The following LRRC2 variants were observed in gnomAD, a reference collection of about 807,000 sequenced individuals.
The protein encoded by LRRC2 is leucine-rich repeat-containing protein 2.
In LRRC2, 27 loss-of-function variants were observed where a neutral mutation model predicts 40.2. The ratio of observed to expected loss-of-function variants is 0.67; its 90% CI spans 0.49 to 0.93. LRRC2 has a LOEUF of 0.93. Among genes scored for constraint, LRRC2 ranks in the 40% least tolerant of loss-of-function variants. The pLI, the probability that LRRC2 is intolerant of heterozygous loss-of-function variation, is 0.00. For missense variants in LRRC2, 402 were observed against 439.6 expected (o/e 0.91, Z 0.76); for synonymous variants, 147 against 158.9 (o/e 0.92, Z 0.56).
rs536055546 is a variant in LRRC2, at chr3:46,539,542, C to T, written c.334-341G>A. Among the ~76,000 whole-genome samples, 37 of 152,344 alleles carry T rather than the reference C, an allele frequency of 2.4e-4. 2 individuals carry two copies. The South Asian group carries it at 7.5e-3, about 31-fold the overall frequency. ...TAACATCCCCTAAGGTCTGTCTATA[C>T]ATTCGATTTCAAAATTTGTGCTTCG... On this transcript the variant is annotated intron_variant, in intron 3 of 8. Coordinates refer to ENST00000395905, the MANE Select transcript of LRRC2 (RefSeq NM_024512.5).
intron 7 of LRRC2, among the ~76,000 whole-genome samples, chr3:46,522,124 C>T (rs1703974339): frequency 6.6e-6 from 1 of 152,126 alleles, no homozygotes; most frequent in Non-Finnish European, 1.5e-5. Flanking sequence ...CCTGTAATCC[C>T]AGCACTTTGG....
intron 1 of LRRC2, among the ~76,000 whole-genome samples, chr3:46,565,396 C>A (rs1308347389): frequency 6.6e-6 from 1 of 152,120 alleles, no homozygotes; most frequent in East Asian, 1.9e-4. Context: ...TAAGACAGTA[C>A]CTGGCACCTA....
chr3:46,533,821 C>CTTTCTTTGTTTCTTTCTTTCTT lies in LRRC2; in HGVS notation c.491-913_491-912insAAGAAAGAAAGAAACAAAGAAA, dbSNP rs1341271666. 6.7e-5 allele frequency among the ~76,000 whole-genome samples: 5 copies of CTTTCTTTGTTTCTTTCTTTCTT among 75,172 alleles called. 1 individual carries two copies. In the South Asian group the frequency reaches 1.6e-3, roughly 25 times the overall value. 49.3% of individuals were successfully genotyped at this position (75,172 alleles called of 152,430 possible). A position where few individuals can be genotyped will look rare whatever the true frequency, so the allele number is the denominator to read the frequency against. On this transcript the variant is annotated intron_variant, in intron 4 of 8. Transcript: ENST00000395905. ...TTTGTTTCTTTCTTTCTTTCTTTTT[C>CTTTCTTTGTTTCTTTCTTTCTT]TTTCTCTCTCTGCCTGTCTTTCTTT...
rs1157705176 is a variant in LRRC2 at position 46,532,917 on chromosome 3, C to T, written c.491-8G>A. On this transcript the variant is annotated splice_region_variant and splice_polypyrimidine_tract_variant and intron_variant, in intron 4 of 8. Coordinates refer to ENST00000395905, the MANE Select transcript of LRRC2 (RefSeq NM_024512.5). ...TCAGGTTCTTCAAACAACCTGTCAG[C>T]AGAAAAAGTTAACATCCATTGAATA... The T allele has an allele frequency of 6.2e-7, 1 of 1,612,484 alleles. No individual in the cohort carries two copies. Among genetic ancestry groups the T allele is most frequent in the Admixed American group, 1.7e-5 (1 of 59,582 alleles).
intron 3 of LRRC2, among the ~76,000 whole-genome samples, chr3:46,543,153 G>C (rs1704433908): frequency 6.6e-6 from 1 of 152,138 alleles, no homozygotes; most frequent in Non-Finnish European, 1.5e-5. Context: ...GAGTCTTCCT[G>C]GACTCTCCTG....
chr3:46,556,399 T>C (rs962169631), intron 1 of LRRC2, among the ~76,000 whole-genome samples: 1 of 152,110 alleles, frequency 6.6e-6, no homozygotes, highest in Non-Finnish European at 1.5e-5. Context: ...AATGCTGGGA[T>C]GACAGGCATG....
chr3:46,537,804 G>A (rs750079951), intron 4 of LRRC2, among the ~76,000 whole-genome samples: 1 of 152,212 alleles, frequency 6.6e-6, no homozygotes, highest in Non-Finnish European at 1.5e-5. Flanking sequence ...ACCGACAGAA[G>A]ACACGAGGCT....
At chr3:46,530,924 TAG>T (rs1183795759) in intron 5 of LRRC2, among the ~76,000 whole-genome samples, 2 of 152,148 alleles carry the variant, frequency 1.3e-5, no homozygotes, top group African/African-American at 4.8e-5. Flanking sequence ...ATAAGAGAGT[TAG>T]AGTGACTATA....
Position 46,551,547 on chromosome 3 carries a change from G to T in LRRC2, c.45C>A (p.Ala15=), listed in dbSNP as rs149555586. 13 of 1,613,868 alleles carry T rather than the reference G, an allele frequency of 8.1e-6. No individual in the cohort carries two copies. The highest frequency in any genetic ancestry group is 9.3e-6 in the Non-Finnish European group (11 of 1,179,966). Residue 15 remains alanine (A), a synonymous_variant, in exon 2 of 9, where the codon GCC becomes GCA. Transcript: ENST00000395905. ...GCTTCTTGACACGAGTTTCCCACAAGGCTCTGATGACAGAAATGTCGAAGA... is the reference window on the plus strand; with the variant it reads ...GCTTCTTGACACGAGTTTCCCACAATGCTCTGATGACAGAAATGTCGAAGA... ...VVVFDISVIR[A]LWETRVKKHK...
intron 5 of LRRC2, 52 bp from the exon 6 acceptor site, chr3:46,530,102 A>G (rs1704132975): frequency 5.0e-6 from 7 of 1,413,428 alleles, no homozygotes; most frequent in Non-Finnish European, 7.0e-6. Flanking sequence ...GTGGGAATTA[A>G]GTTCAACTAA....
At chr3:46,539,020 G>A (rs899900369) in intron 4 of LRRC2, 25 bp downstream of exon 4, 11 of 1,609,822 alleles carry the variant, frequency 6.8e-6, no homozygotes, top group Admixed American at 5.1e-5. Context: ...CCAGAGGCCC[G>A]AAGACCCCTG....
At chr3:46,556,091 C>G (rs1704786256) in intron 1 of LRRC2, among the ~76,000 whole-genome samples, 1 of 151,748 alleles carries the variant, frequency 6.6e-6, no homozygotes, top group South Asian at 2.1e-4. Flanking sequence ...GGAGATGCAT[C>G]ATTTTTCTCT....
chr3:46,539,038 G>C lies in LRRC2; in HGVS notation c.490+7C>G, dbSNP rs1267838957. On this transcript the variant is annotated splice_region_variant and intron_variant, in intron 4 of 8. Coordinates refer to ENST00000395905, the MANE Select transcript of LRRC2 (RefSeq NM_024512.5). ...GAGGCCCGAAGACCCCTGCTAAGTT[G>C]ACATACCGATTTCTGCTGGAAGATG... The C allele has an allele frequency of 6.2e-7, 1 of 1,613,240 alleles. No individual in the cohort carries two copies. Among genetic ancestry groups the C allele is most frequent in the African/African-American group, 1.3e-5 (1 of 74,982 alleles).
chr3:46,557,094 C>G (rs1232402295), intron 1 of LRRC2, among the ~76,000 whole-genome samples: 2 of 152,232 alleles, frequency 1.3e-5, no homozygotes, highest in Non-Finnish European at 2.9e-5. Context: ...TCCCCTGTGA[C>G]TTGCACGTAT....
chr3:46,524,108 T>C (rs552635614), intron 7 of LRRC2, among the ~76,000 whole-genome samples: 2 of 152,316 alleles, frequency 1.3e-5, no homozygotes, highest in Admixed American at 6.5e-5. Flanking sequence ...AATCAATAAA[T>C]AATATTTACG....
chr3:46,522,980 T>C (rs1703993481), intron 7 of LRRC2, among the ~76,000 whole-genome samples: 1 of 152,318 alleles, frequency 6.6e-6, no homozygotes, highest in Non-Finnish European at 1.5e-5. Flanking sequence ...CGTGTTCTCA[T>C]TGGATTATAG....
In LRRC2 at chr3:46,544,494, C is replaced by T. The variant is rs576626217; in HGVS notation, c.333+552G>A. ...ACAAAACAAAACAAAACAAAAAAGA[C>T]ACAAAATGGCAAGATACAAAGAGAT... On this transcript the variant is annotated intron_variant, in intron 3 of 8. Coordinates refer to ENST00000395905, the MANE Select transcript of LRRC2 (RefSeq NM_024512.5). Among the ~76,000 whole-genome samples, 238 of 152,280 alleles carry T rather than the reference C, an allele frequency of 1.6e-3. 1 individual carries two copies. The highest frequency in any genetic ancestry group is 5.6e-3 in the African/African-American group (232 of 41,568).
At chr3:46,534,902 C>A (rs1006709490) in intron 4 of LRRC2, among the ~76,000 whole-genome samples, 2 of 152,196 alleles carry the variant, frequency 1.3e-5, no homozygotes, top group Non-Finnish European at 2.9e-5. Flanking sequence ...TTCATTCCCA[C>A]GTTCCTCACT....
intron 1 of LRRC2, among the ~76,000 whole-genome samples, chr3:46,565,435 A>G (rs1254529856): frequency 6.6e-6 from 1 of 152,246 alleles, no homozygotes; most frequent in African/African-American, 2.4e-5. Flanking sequence ...TCAATCATTT[A>G]AAGAAAAAAG....
Sources: allele counts gnomAD v4.1 joint callset (sites outside exome capture counted in the v4.1 genomes callset), GRCh38; gene constraint gnomAD v4.1.1; transcripts MANE v1.5; gene names NCBI Gene and HGNC (gene_info 2026-07-23, HGNC 2026-07-21).